The following SYNPR variants were observed in gnomAD, a reference collection of about 807,000 sequenced individuals.
The protein encoded by SYNPR is synaptoporin.
A neutral mutation model predicts 32.9 loss-of-function variants in SYNPR; 23 were observed. The observed-to-expected ratio is 0.70, with a 90% CI of 0.50 to 0.99. The LOEUF (loss-of-function observed/expected upper bound fraction) is 0.99. SYNPR is among the 50% of genes least tolerant of loss of function. The pLI is 0.00. For missense variants in SYNPR, 318 were observed against 349.3 expected (o/e 0.91, Z 0.71); for synonymous variants, 146 against 135.9 (o/e 1.07, Z -0.52).
intron 2 of SYNPR, among the ~76,000 whole-genome samples, chr3:63,383,693 C>G (rs527505003): frequency 3.2e-4 from 48 of 152,264 alleles, no homozygotes; most frequent in African/African-American, 5.3e-4. Context: ...ACTAATGGAA[C>G]TCCTATTGTA....
rs562037836 is a variant in SYNPR at position 63,249,209 on chromosome 3, C to G, written n.67-3290C>G. On this transcript the variant is annotated intron_variant and non_coding_transcript_variant, in intron 1 of 4. Coordinates refer to the SYNPR transcript ENST00000478456. ...AGAATATGTTCAATCACTCGTATAA[C>G]TAAAGACATGGAAAATCAGAAAACC... Among the ~76,000 whole-genome samples the G allele has an allele frequency of 1.2e-3, 185 of 152,120 alleles. 3 individuals are homozygous for G. Among genetic ancestry groups the G allele is most frequent in the Non-Finnish European group, 2.3e-3 (156 of 67,984 alleles).
At chr3:63,348,235 T>C (rs1388263679) in intron 2 of SYNPR, among the ~76,000 whole-genome samples, 1 of 152,228 alleles carries the variant, frequency 6.6e-6, no homozygotes, top group African/African-American at 2.4e-5. Context: ...GGTGTAAGAA[T>C]GATATCGCAC....
chr3:63,539,962 T>C (rs570328098), intron 3 of SYNPR, among the ~76,000 whole-genome samples: 18 of 152,254 alleles, frequency 1.2e-4, no homozygotes, highest in African/African-American at 4.1e-4. Flanking sequence ...CTGTGCCTGC[T>C]TGCAGCATAG....
intron 2 of SYNPR, among the ~76,000 whole-genome samples, chr3:63,419,874 T>C (rs527736721): frequency 4.6e-5 from 7 of 152,342 alleles, no homozygotes; most frequent in Non-Finnish European, 8.8e-5. Flanking sequence ...ATACTAGTTC[T>C]ATATTCATTT....
At chr3:63,375,314 A>T (rs1180968907) in intron 2 of SYNPR, among the ~76,000 whole-genome samples, 1 of 152,204 alleles carries the variant, frequency 6.6e-6, no homozygotes, top group Non-Finnish European at 1.5e-5. Flanking sequence ...AAGACTTGGA[A>T]CCAACCCAAA....
intron 4 of SYNPR, among the ~76,000 whole-genome samples, chr3:63,602,030 T>C (rs1306916549): frequency 6.6e-6 from 1 of 152,180 alleles, no homozygotes; most frequent in African/African-American, 2.4e-5. Context: ...TTTTTAATAA[T>C]AGCCATTCTG....
At position 63,271,266 on chromosome 3, in the gene SYNPR, C is replaced by A. The variant is rs150065204; in HGVS notation, n.287+3817C>A. On this transcript the variant is annotated intron_variant and non_coding_transcript_variant, in intron 3 of 4. Coordinates refer to the SYNPR transcript ENST00000478456. ...ATTAGGCAGTATCCTCACGTTAGCCCAGCTATGTGAAAGAACTTAGGCAGG... is the reference window on the plus strand; with the variant it reads ...ATTAGGCAGTATCCTCACGTTAGCCAAGCTATGTGAAAGAACTTAGGCAGG... Among the ~76,000 whole-genome samples, 402 of 152,142 alleles carry A rather than the reference C, an allele frequency of 2.6e-3. 3 individuals are homozygous for A. The highest frequency in any genetic ancestry group is 9.2e-3 in the African/African-American group (381 of 41,518).
chr3:63,296,184 G>A (rs2086790225), intron 2 of SYNPR, among the ~76,000 whole-genome samples: 1 of 152,204 alleles, frequency 6.6e-6, no homozygotes, highest in Non-Finnish European at 1.5e-5. Flanking sequence ...CTGTTGGTCA[G>A]TGGTAATACA....
intron 2 of SYNPR, among the ~76,000 whole-genome samples, chr3:63,467,959 G>A (rs1236498072): frequency 6.6e-6 from 1 of 151,990 alleles, no homozygotes; most frequent in Non-Finnish European, 1.5e-5. Flanking sequence ...CAGCAGTTTG[G>A]GAGGTTGAGG....
At chr3:63,548,532 T>A (rs1365317226) in intron 3 of SYNPR, among the ~76,000 whole-genome samples, 2 of 152,166 alleles carry the variant, frequency 1.3e-5, no homozygotes, top group South Asian at 4.1e-4. Flanking sequence ...ATTACACACA[T>A]ACACATACAT....
At chr3:63,332,958 C>T (rs1013039163) in intron 2 of SYNPR, among the ~76,000 whole-genome samples, 8 of 152,056 alleles carry the variant, frequency 5.3e-5, no homozygotes, top group Admixed American at 5.2e-4. Flanking sequence ...AGTAATACAT[C>T]CCCCTGCCCC....
intron 2 of SYNPR, among the ~76,000 whole-genome samples, chr3:63,418,031 TTTTC>T (rs1384292050): frequency 1.3e-5 from 2 of 152,296 alleles, no homozygotes; most frequent in South Asian, 2.1e-4. Flanking sequence ...AAAATGGGAT[TTTTC>T]TTTCTATCAT....
At chr3:63,264,142 T>C (rs2086461700) in intron 2 of SYNPR, among the ~76,000 whole-genome samples, 1 of 152,170 alleles carries the variant, frequency 6.6e-6, no homozygotes, top group African/African-American at 2.4e-5. Flanking sequence ...TTGTGATTAG[T>C]GTATATAAAA....
chr3:63,455,210 A>C (rs1400678068), intron 2 of SYNPR, among the ~76,000 whole-genome samples: 1 of 152,116 alleles, frequency 6.6e-6, no homozygotes, highest in East Asian at 1.9e-4. Context: ...TTAATAATTG[A>C]AATATTTGAG....
intron 2 of SYNPR, among the ~76,000 whole-genome samples, chr3:63,368,397 A>T (rs1235728175): frequency 6.6e-6 from 1 of 152,222 alleles, no homozygotes; most frequent in African/African-American, 2.4e-5. Context: ...GTGATGTTGC[A>T]TATGCTGAGT....
chr3:63,490,819 G>A (rs1330911988), intron 3 of SYNPR, among the ~76,000 whole-genome samples: 1 of 152,116 alleles, frequency 6.6e-6, no homozygotes, highest in Non-Finnish European at 1.5e-5. Flanking sequence ...CTGGAGAGCA[G>A]TGGTGCAATC....
At chr3:63,525,865 G>C (rs1454209823) in intron 3 of SYNPR, among the ~76,000 whole-genome samples, 4 of 152,106 alleles carry the variant, frequency 2.6e-5, no homozygotes, top group African/African-American at 9.7e-5. Flanking sequence ...ACTTAGGAAA[G>C]AAAAGCCACA....
In SYNPR at chr3:63,367,343, T is replaced by TTATTTATG. The variant is rs2087738422; in HGVS notation, c.84+88608_84+88609insGTATTTAT. On this transcript the variant is annotated intron_variant, in intron 2 of 5. Coordinates refer to ENST00000478300, the MANE Select transcript of SYNPR (RefSeq NM_001130003.2). ...ATATCCTCTAAGCATCACTGTTGAA[T>TTATTTATG]TATTTATTTATTTATTTATTTATTT... Among the ~76,000 whole-genome samples, 5 of 85,438 alleles carry TTATTTATG rather than the reference T, an allele frequency of 5.9e-5. No individual in the cohort carries two copies. The South Asian group carries it at 1.3e-3, about 22-fold the overall frequency. The allele number at this position is 85,438 out of a possible 152,430, so 56.1% of individuals were successfully genotyped here.
intron 2 of SYNPR, among the ~76,000 whole-genome samples, chr3:63,336,016 TC>T (rs1307734405): frequency 6.6e-6 from 1 of 152,178 alleles, no homozygotes; most frequent in Non-Finnish European, 1.5e-5. Context: ...CCTCAGGTGA[TC>T]CGCCTGCCTC....
Sources: gnomAD v4.1 joint callset for allele counts (sites outside exome capture counted in the v4.1 genomes callset) on GRCh38, gnomAD v4.1.1 for gene constraint, MANE v1.5 for transcripts, NCBI Gene and HGNC (gene_info 2026-07-23, HGNC 2026-07-21) for gene names.